Variants in ATAT1 observed in about 807,000 individuals in gnomAD.
ATAT1 encodes the protein alpha tubulin acetyltransferase 1.
Under a neutral mutation model 57.2 loss-of-function variants are expected in ATAT1, and 42 were observed. The observed-to-expected ratio is 0.73, with a 90% CI of 0.57 to 0.95. ATAT1 has a LOEUF of 0.95. Ranked by LOEUF, ATAT1 falls within the 40% of genes least tolerant of loss-of-function variation. ATAT1 has a pLI of 0.00. For synonymous variants in ATAT1, 168 were observed against 187.1 expected (o/e 0.90, Z 0.83); for missense variants, 454 against 523.7 (o/e 0.87, Z 1.30).
chr6:30,627,692 T>C lies in ATAT1; in HGVS notation c.189T>C (p.His63=), dbSNP rs1458255690. The C allele has an allele frequency of 6.2e-7, 1 of 1,612,996 alleles. No homozygotes were observed. The highest frequency in any genetic ancestry group is 8.5e-7 in the Non-Finnish European group (1 of 1,179,968). ...CATCAAGGATGCAGAGTAACCGCCA[T>C]GTTGTTTATATTCTCAAAGACAGTT... Residue 63 remains histidine, a synonymous_variant, in exon 3 of 13, where the codon CAT becomes CAC. Transcript: ENST00000330083.
chr6:30,628,483 T>C (rs1326654258), intron 6 of ATAT1, 53 bp downstream of exon 6: 13 of 1,432,096 alleles, frequency 9.1e-6, no homozygotes, highest in Non-Finnish European at 1.3e-5. Context: ...TGAATTTATT[T>C]GTTATTTATG....
intron 6 of ATAT1, among the ~76,000 whole-genome samples, chr6:30,635,125 G>T (rs1252032560): frequency 6.6e-6 from 1 of 152,158 alleles, no homozygotes; most frequent in Non-Finnish European, 1.5e-5. Flanking sequence ...TCATTTATTT[G>T]CCTTTTTTGT....
At chr6:30,632,439 G>A (rs1336629026) in intron 6 of ATAT1, among the ~76,000 whole-genome samples, 3 of 151,958 alleles carry the variant, frequency 2.0e-5, no homozygotes, top group East Asian at 3.9e-4. Flanking sequence ...GGGTGTGGTG[G>A]CGGGCACCTG....
In ATAT1 at chr6:30,640,565, G is replaced by A. The variant is rs748992480; in HGVS notation, c.578G>A (p.Arg193Gln). The A allele has an allele frequency of 1.4e-5, 23 of 1,612,812 alleles. No individual in the cohort carries two copies. In the African/African-American group the frequency reaches 2.1e-4, roughly 15 times the overall value. ...CCTGCTCCCTCTCTGAGGGCAACTC[G>A]ACACTCTCGTGCTGCTGCAGTCGAT... is the stretch of plus-strand genomic sequence containing the variant. The change falls in exon 8 of 13, where the codon CGA becomes CAA. Residue 193 changes from arginine (R) to glutamine (Q), a missense_variant. By Grantham distance (43) the Arg-to-Gln change is conservative. Around this residue, in one of 3 missense-constraint regions of ATAT1, gnomAD observed 236 missense variants for 284.5 expected, o/e 0.83. Transcript: ENST00000330083.
chr6:30,630,767 G>T (rs1367434433), intron 6 of ATAT1, among the ~76,000 whole-genome samples: 1 of 151,780 alleles, frequency 6.6e-6, no homozygotes, highest in Non-Finnish European at 1.5e-5. Context: ...GTGAAACCCT[G>T]TCTCTACTAA....
At chr6:30,633,504 T>C (rs17195544) in intron 6 of ATAT1, 8,622 of 156,278 alleles carry the variant, frequency 0.055, 371 homozygotes, top group Middle Eastern at 0.11. Context: ...TTCGGTGTCC[T>C]GCTCACCACA....
At chr6:30,644,515 T>C in intron 10 of ATAT1, 2 of 985,890 alleles carry the variant, frequency 2.0e-6, no homozygotes, top group Non-Finnish European at 2.4e-6. Flanking sequence ...GTGTGCTAGA[T>C]CAGGTGCCCC....
intron 10 of ATAT1, 128 bp downstream of exon 10, chr6:30,643,139 C>G: frequency 2.7e-6 from 4 of 1,504,060 alleles, no homozygotes; most frequent in Non-Finnish European, 3.5e-6. Context: ...GGTCCTGAAA[C>G]CTTTCAAGAA....
At chr6:30,628,452 A>T in intron 6 of ATAT1, 22 bp downstream of exon 6, 1 of 1,552,576 alleles carries the variant, frequency 6.4e-7, no homozygotes, top group Non-Finnish European at 8.9e-7. Context: ...CAGAGAATAG[A>T]TCCCCACTGA....
chr6:30,646,364 T>A (rs979129770), intron 12 of ATAT1, 105 bp from the exon 13 acceptor site: 10 of 1,449,394 alleles, frequency 6.9e-6, no homozygotes, highest in Non-Finnish European at 9.1e-6. Flanking sequence ...TTCATACCCA[T>A]CATGTGTCCT....
Position 30,642,832 on chromosome 6 carries a change from A to ACTCCCC in ATAT1, c.753_754insCTCCCC (p.Pro251_Ala252insLeuPro). 8.1e-7 allele frequency: 1 copy of ACTCCCC among 1,230,750 alleles called. No homozygotes were observed. The highest frequency in any genetic ancestry group is 1.2e-5 in the South Asian group (1 of 82,750). 76.2% of individuals were successfully genotyped at this position (1,230,750 alleles called of 1,614,324 possible). A position where few individuals can be genotyped will look rare whatever the true frequency, so the allele number is the denominator to read the frequency against. On this transcript the variant is annotated inframe_insertion, in exon 10 of 13. Coordinates refer to ENST00000330083, the MANE Select transcript of ATAT1 (RefSeq NM_001031722.4). ...GGGCCCCTCGCCGCGCCACACCTCC[A>ACTCCCC]GCCCACCCACCCCCCCGCTCCAGCA...
chr6:30,642,722 T>G (rs2027936), intron 9 of ATAT1, 46 bp from the exon 10 acceptor site: 29,752 of 1,281,470 alleles, frequency 0.023, 453 homozygotes, highest in African/African-American at 0.043. Context: ...ACTCTCTTCC[T>G]TTTTTCTTCT....
At chr6:30,627,438 T>C (rs1761921095) in intron 1 of ATAT1, 22 bp from the exon 2 acceptor site, 1 of 1,611,146 alleles carries the variant, frequency 6.2e-7, no homozygotes, top group Non-Finnish European at 8.5e-7. Context: ...TATCTGACTC[T>C]TTATTTCTTC....
chr6:30,642,832 A>AGGGGGCCG lies in ATAT1; in HGVS notation c.754_755insGGGGCCGG (p.Ala252GlyfsTer70). 1 of 1,230,750 alleles carries AGGGGGCCG rather than the reference A, an allele frequency of 8.1e-7. No homozygotes were observed. Among genetic ancestry groups the AGGGGGCCG allele is most frequent in the Non-Finnish European group, 1.1e-6 (1 of 892,690 alleles). 76.2% of individuals were successfully genotyped at this position (1,230,750 alleles called of 1,614,324 possible). On this transcript the variant is annotated frameshift_variant, in exon 10 of 13. Transcript: ENST00000330083. LOFTEE classifies it high-confidence loss of function. Reference sequence around the variant, plus strand: ...GGGCCCCTCGCCGCGCCACACCTCCAGCCCACCCACCCCCCCGCTCCAGCA... The same window carrying AGGGGGCCG: ...GGGCCCCTCGCCGCGCCACACCTCCAGGGGGCCGGCCCACCCACCCCCCCGCTCCAGCA...
In ATAT1 at chr6:30,642,115, G is replaced by A. The variant is rs1199375009; in HGVS notation, c.617-61G>A. 7 of 1,611,104 alleles carry A rather than the reference G, an allele frequency of 4.3e-6. No homozygotes were observed. The African/African-American group carries it at 8.0e-5, about 18-fold the overall frequency. On this transcript the variant is annotated intron_variant, in intron 8 of 12. Coordinates refer to ENST00000330083, the MANE Select transcript of ATAT1 (RefSeq NM_001031722.4). ...TTTGGGGTTGGGGTATAGTGGCTGG[G>A]AGGAGGGGTGCAAAGTATGTCTCCT...
chr6:30,636,502 C>T (rs562154181), intron 6 of ATAT1, among the ~76,000 whole-genome samples: 5 of 152,138 alleles, frequency 3.3e-5, no homozygotes, highest in Admixed American at 6.5e-5. Context: ...AGGAGAATGG[C>T]GTGAACCCAG....
At chr6:30,639,050 A>G (rs2006098) in intron 6 of ATAT1, among the ~76,000 whole-genome samples, 18,946 of 151,852 alleles carry the variant, frequency 0.12, 2,212 homozygotes, top group African/African-American at 0.3. Context: ...GCACGATCTC[A>G]GCTCACTGCA....
intron 6 of ATAT1, among the ~76,000 whole-genome samples, chr6:30,636,904 T>C (rs1233591013): frequency 1.3e-5 from 2 of 152,010 alleles, no homozygotes; most frequent in Non-Finnish European, 2.9e-5. Context: ...CTCTGCCTCC[T>C]GAGTCCAAGC....
At chr6:30,645,856 C>T in intron 10 of ATAT1, 39 bp from the exon 11 acceptor site, 1 of 1,416,142 alleles carries the variant, frequency 7.1e-7, no homozygotes. Flanking sequence ...ATCTTTCATC[C>T]AGTAGCCTCC....
Sources: allele counts gnomAD v4.1 joint callset (sites outside exome capture counted in the v4.1 genomes callset), GRCh38; gene constraint gnomAD v4.1.1; regional missense constraint gnomAD v4.1.1; transcripts MANE v1.5; gene names NCBI Gene and HGNC (gene_info 2026-07-23, HGNC 2026-07-21).